The following ASIC2 variants were observed in gnomAD, a reference collection of about 807,000 sequenced individuals.
ASIC2 encodes the protein acid-sensing ion channel 2.
Under a neutral mutation model 57.3 loss-of-function variants are expected in ASIC2, and 25 were observed. That is an observed-to-expected ratio of 0.44 (90% CI 0.32 to 0.61). The LOEUF (loss-of-function observed/expected upper bound fraction) is 0.61. Ranked by LOEUF, ASIC2 falls within the 20% of genes least tolerant of loss-of-function variation. ASIC2 has a pLI of 0.06. For synonymous variants in ASIC2, 319 were observed against 307.5 expected (o/e 1.04, Z -0.39); for missense variants, 641 against 738.1 (o/e 0.87, Z 1.52).
chr17:33,974,733 A>G (rs1456920903), intron 1 of ASIC2, among the ~76,000 whole-genome samples: 1 of 151,042 alleles, frequency 6.6e-6, no homozygotes, highest in Non-Finnish European at 1.5e-5. Context: ...GTGAGGCCAC[A>G]CCTATTTTAG....
rs563904869 is a variant in ASIC2, at chr17:33,462,423, G to A, written c.556-350356C>T. Among the ~76,000 whole-genome samples the A allele has an allele frequency of 2.0e-5, 3 of 152,178 alleles. No homozygotes were observed. In the East Asian group the frequency reaches 5.8e-4, roughly 29 times the overall value. ...TGCTTCCTTGTTCCTATGTGGATAA[G>A]GTGGAGGTGATCTGACTCTGACTAT... On this transcript the variant is annotated intron_variant, in intron 1 of 9. Coordinates refer to the ASIC2 transcript ENST00000359872.
At chr17:33,176,544 G>T (rs557427840) in intron 1 of ASIC2, among the ~76,000 whole-genome samples, 3 of 152,118 alleles carry the variant, frequency 2.0e-5, no homozygotes, top group African/African-American at 7.2e-5. Flanking sequence ...GTCTCACCAC[G>T]TTGCCCAGGC....
At chr17:33,659,636 C>T (rs1229078628) in intron 1 of ASIC2, among the ~76,000 whole-genome samples, 6 of 151,898 alleles carry the variant, frequency 4.0e-5, no homozygotes, top group South Asian at 4.1e-4. Context: ...TTTGGGAGGC[C>T]GAGGCAGGCA....
intron 1 of ASIC2, among the ~76,000 whole-genome samples, chr17:33,471,822 A>C (rs1445444037): frequency 6.6e-6 from 1 of 152,170 alleles, no homozygotes; most frequent in African/African-American, 2.4e-5. Context: ...TCTATTGAAT[A>C]GTTTCTGTAT....
Position 33,060,719 on chromosome 17 carries a change from G to C in ASIC2, c.987+28144C>G, listed in dbSNP as rs150188473. ...GAAGAAAGTCATTGGTAGCTTGATG[G>C]GGGTGCCATTGAATCTATAAATTAC... On this transcript the variant is annotated intron_variant, in intron 3 of 9. Coordinates refer to ENST00000225823, the MANE Select transcript of ASIC2 (RefSeq NM_183377.2). Among the ~76,000 whole-genome samples the C allele has an allele frequency of 8.5e-4, 129 of 152,286 alleles. No homozygotes were observed. The East Asian group carries it at 0.017, about 20-fold the overall frequency.
intron 1 of ASIC2, among the ~76,000 whole-genome samples, chr17:34,088,183 T>C (rs1325873143): frequency 4.6e-5 from 7 of 152,196 alleles, no homozygotes; most frequent in South Asian, 2.1e-4. Flanking sequence ...TATCTACTTT[T>C]GGTCTTTGAT....
intron 1 of ASIC2, among the ~76,000 whole-genome samples, chr17:34,030,891 AG>A (rs1907582916): frequency 1.3e-5 from 2 of 152,374 alleles, no homozygotes; most frequent in South Asian, 2.1e-4. Context: ...AGCCCACCAC[AG>A]CTCAAGGAGG....
At chr17:33,922,407 A>C (rs1376979504) in intron 1 of ASIC2, among the ~76,000 whole-genome samples, 3 of 152,174 alleles carry the variant, frequency 2.0e-5, no homozygotes, top group Non-Finnish European at 4.4e-5. Context: ...CCAGCATTTC[A>C]GAAAAACCCT....
intron 1 of ASIC2, among the ~76,000 whole-genome samples, chr17:33,601,941 T>C (rs188856530): frequency 5.9e-5 from 9 of 152,378 alleles, no homozygotes; most frequent in Admixed American, 5.9e-4. Flanking sequence ...CTTCTCTATT[T>C]CTCCCTTTTG....
At position 33,806,125 on chromosome 17, in the gene ASIC2, A is replaced by G. The variant is rs75900773; in HGVS notation, c.555+349853T>C. 4.3e-3 allele frequency among the ~76,000 whole-genome samples: 648 copies of G among 152,292 alleles called. 6 individuals are homozygous for G. The highest frequency in any genetic ancestry group is 0.015 in the African/African-American group (610 of 41,558). On this transcript the variant is annotated intron_variant, in intron 1 of 9. Transcript: ENST00000359872. ...AAAGCACCCACATTCATACTCAAGA[A>G]TTTATCACACAAACCAGGGATAAGT...
At chr17:33,665,444 G>A (rs1329396324) in intron 1 of ASIC2, among the ~76,000 whole-genome samples, 2 of 152,024 alleles carry the variant, frequency 1.3e-5, no homozygotes, top group East Asian at 1.9e-4. Context: ...CCATGTCGAG[G>A]GTTGGCATTT....
intron 1 of ASIC2, among the ~76,000 whole-genome samples, chr17:34,139,091 C>A (rs1912201589): frequency 6.6e-6 from 1 of 152,140 alleles, no homozygotes; most frequent in Non-Finnish European, 1.5e-5. Flanking sequence ...TTAGCACAAA[C>A]TGAATGTTTA....
Position 33,338,754 on chromosome 17 carries a change from G to A in ASIC2, c.556-226687C>T, listed in dbSNP as rs191310917. Among the ~76,000 whole-genome samples the A allele has an allele frequency of 3.9e-4, 60 of 152,318 alleles. 1 individual carries two copies. The highest frequency in any genetic ancestry group is 3.9e-3 in the Admixed American group (60 of 15,292). ...ACATTAAAATTTCTTGGGTGGATAA[G>A]AGGAAAAAGCTGTCTAAAAAGACTA... On this transcript the variant is annotated intron_variant, in intron 1 of 9. Coordinates refer to the ASIC2 transcript ENST00000359872.
chr17:34,004,171 AAGTAT>A (rs1487050135), intron 1 of ASIC2: 1 of 151,948 alleles, frequency 6.6e-6, no homozygotes, highest in Non-Finnish European at 1.5e-5. Context: ...AGAAGGAGTA[AAGTAT>A]GGGAGATGGG....
chr17:33,366,198 A>C (rs996852396), intron 1 of ASIC2, among the ~76,000 whole-genome samples: 3 of 152,364 alleles, frequency 2.0e-5, no homozygotes, highest in African/African-American at 7.2e-5. Context: ...ATTCTTAGAG[A>C]TGATCTTAGT....
At chr17:33,742,822 A>C (rs1028790699) in intron 1 of ASIC2, among the ~76,000 whole-genome samples, 7 of 152,206 alleles carry the variant, frequency 4.6e-5, no homozygotes, top group Admixed American at 1.3e-4. Context: ...CGTCCCTGGC[A>C]CACGCACCGT....
At chr17:33,503,050 G>A (rs1254443850) in intron 1 of ASIC2, among the ~76,000 whole-genome samples, 1 of 152,188 alleles carries the variant, frequency 6.6e-6, no homozygotes, top group African/African-American at 2.4e-5. Context: ...AGCTCAGCAA[G>A]TCCTGATGCC....
chr17:33,992,015 G>A (rs951814534), intron 1 of ASIC2, among the ~76,000 whole-genome samples: 6 of 152,130 alleles, frequency 3.9e-5, no homozygotes, highest in Non-Finnish European at 8.8e-5. Context: ...ACACTGCCCT[G>A]GGAGGCAGGG....
At chr17:33,294,728 CACACAACACACATACATAT>C (rs998982504), upstream of ASIC2, among the ~76,000 whole-genome samples, 7 of 152,150 alleles carry the variant, frequency 4.6e-5, no homozygotes. Context: ...TACATACATA[CACACAACACACATACATAT>C]ACACAACACA....
Sources: gnomAD v4.1 joint callset for allele counts (sites outside exome capture counted in the v4.1 genomes callset) on GRCh38, gnomAD v4.1.1 for gene constraint, MANE v1.5 for transcripts, NCBI Gene and HGNC (gene_info 2026-07-23, HGNC 2026-07-21) for gene names.